The following PPP1R13L variants were observed in gnomAD, a reference collection of about 807,000 sequenced individuals.
PPP1R13L encodes protein phosphatase 1 regulatory subunit 13 like.
A neutral mutation model predicts 80.9 loss-of-function variants in PPP1R13L; 50 were observed. That is an observed-to-expected ratio of 0.62 (90% confidence interval 0.49 to 0.78). PPP1R13L has a LOEUF of 0.78. Among genes scored for constraint, PPP1R13L ranks in the 30% least tolerant of loss-of-function variants. PPP1R13L has a pLI of 0.00. For synonymous variants in PPP1R13L, 602 were observed against 534.3 expected (o/e 1.13, Z -1.75); for missense variants, 1,200 against 1,205.9 (o/e 1.00, Z 0.07).
At chr19:45,390,470 G>A (rs1972949579) in intron 8 of PPP1R13L, among the ~76,000 whole-genome samples, 1 of 152,154 alleles carries the variant, frequency 6.6e-6, no homozygotes. Flanking sequence ...CATTGTATGA[G>A]AAAGCACTGT....
Position 45,397,464 on chromosome 19 carries a change from CTCTCTCTCTCTTTCTTTCTTTCTT to C in PPP1R13L, c.199-430_199-407del, listed in dbSNP as rs1182006857. On this transcript the variant is annotated intron_variant, in intron 3 of 12. Coordinates refer to ENST00000360957, the MANE Select transcript of PPP1R13L (RefSeq NM_006663.4). ...CCCTCCCTCCCTGCTTGCTTGCTTT[CTCTCTCTCTCTTTCTTTCTTTCTT>C]TCTTTCTTTCTTTCTTTCTTTCTTT... 4.4e-4 allele frequency among the ~76,000 whole-genome samples: 45 copies of C among 101,702 alleles called. 1 individual carries two copies. The highest frequency in any genetic ancestry group is 1.6e-3 in the Admixed American group (16 of 9,806). 66.7% of individuals were successfully genotyped at this position (101,702 alleles called of 152,430 possible). A position where few individuals can be genotyped will look rare whatever the true frequency, so the allele number is the denominator to read the frequency against.
At chr19:45,393,446 G>A (rs1350592064) in intron 7 of PPP1R13L, among the ~76,000 whole-genome samples, 2 of 151,750 alleles carry the variant, frequency 1.3e-5, no homozygotes, top group Non-Finnish European at 1.5e-5. Flanking sequence ...CAAAAAATTA[G>A]TTGGGTGTGG....
intron 7 of PPP1R13L, 80 bp from the exon 8 acceptor site, chr19:45,392,420 CA>C (rs1336793938): frequency 7.2e-7 from 1 of 1,392,602 alleles, no homozygotes; most frequent in Middle Eastern, 1.8e-4. Context: ...CCAGGGCATA[CA>C]ACCAGCACAT....
Position 45,396,963 on chromosome 19 carries a change from TC to T in PPP1R13L, c.293del (p.Gly98AspfsTer126). On this transcript the variant is annotated frameshift_variant, in exon 4 of 13. Coordinates refer to ENST00000360957, the MANE Select transcript of PPP1R13L (RefSeq NM_006663.4). LOFTEE classifies it high-confidence loss of function. This position sits in a 1 kb window ranked among gnomAD's most constrained non-coding sequence, Gnocchi z 5.3. ...AATDGADTPF[G>X]RSESAPTLHP... is the part of the protein sequence containing the mutation. ...GTAGGGTTGGGGCACTCTCTGATCG[TC>T]CGAACGGGGTGTCTGCGCCGTCGGT... The T allele has an allele frequency of 7.1e-7, 1 of 1,409,404 alleles. No individual in the cohort carries two copies. 87.3% of individuals were successfully genotyped at this position (1,409,404 alleles called of 1,614,324 possible).
chr19:45,403,232 G>A (rs1025485752), intron 1 of PPP1R13L, among the ~76,000 whole-genome samples: 2 of 152,172 alleles, frequency 1.3e-5, no homozygotes, highest in Non-Finnish European at 2.9e-5. Flanking sequence ...ATAATTACCA[G>A]ATGTCCTTGG....
Position 45,397,035 on chromosome 19 carries a change from C to G in PPP1R13L, c.222G>C (p.Ser74=). ...CTCGGCTGCCGAAGGGCTCAGGGAT[C>G]GAGCTGGAGCTGTACCGGGGCGGCT... The part of the protein sequence containing the change: ...PSRPPRYSSS[S]IPEPFGSRGS... The change falls in exon 4 of 13, where the codon TCG becomes TCC. Residue 74 remains serine, a synonymous_variant. Transcript: ENST00000360957. 7.4e-7 allele frequency: 1 copy of G among 1,345,654 alleles called. No homozygotes were observed. The allele number at this position is 1,345,654 out of a possible 1,614,324, so 83.4% of individuals were successfully genotyped here.
chr19:45,394,069 C>A (rs1306834557), intron 7 of PPP1R13L, among the ~76,000 whole-genome samples: 1 of 152,126 alleles, frequency 6.6e-6, no homozygotes, highest in Non-Finnish European at 1.5e-5. Flanking sequence ...AAGAGAGACT[C>A]CAGCCCATCT....
intron 8 of PPP1R13L, among the ~76,000 whole-genome samples, chr19:45,391,123 G>A (rs12986272): frequency 0.26 from 40,131 of 151,524 alleles, 5,995 homozygotes; most frequent in African/African-American, 0.39. Flanking sequence ...GCTTGAACCT[G>A]GGAGGCGGAG....
intron 1 of PPP1R13L, 81 bp downstream of exon 1, chr19:45,404,918 C>T: frequency 1.1e-6 from 1 of 890,928 alleles, no homozygotes; most frequent in African/African-American, 1.8e-5. Flanking sequence ...GACCTGGCGT[C>T]CGAGTCCCCT....
intron 11 of PPP1R13L, 143 bp downstream of exon 11, chr19:45,385,419 A>G: frequency 2.9e-6 from 3 of 1,038,450 alleles, no homozygotes; most frequent in Middle Eastern, 6.3e-4. Flanking sequence ...CAAGCGGTCC[A>G]TCCCTCATCC....
chr19:45,395,607 A>ACCCAGGGAGCATGGCGCGGCTGGC lies in PPP1R13L; in HGVS notation c.1159_1182dup (p.Ala387_Gly394dup). Reference sequence around the variant, plus strand: ...GGGGGTGCTCGGGTGAAGAGGGGGGACCCAGGGAGCATGGCGCGGCTGGCC... The same window carrying ACCCAGGGAGCATGGCGCGGCTGGC: ...GGGGGTGCTCGGGTGAAGAGGGGGGACCCAGGGAGCATGGCGCGGCTGGCCCCAGGGAGCATGGCGCGGCTGGCC... On this transcript the variant is annotated inframe_insertion, in exon 7 of 13. Transcript: ENST00000360957. 1.4e-6 allele frequency: 2 copies of ACCCAGGGAGCATGGCGCGGCTGGC among 1,456,638 alleles called. No homozygotes were observed. Among genetic ancestry groups the ACCCAGGGAGCATGGCGCGGCTGGC allele is most frequent in the Non-Finnish European group, 1.8e-6 (2 of 1,108,414 alleles). 90.2% of individuals were successfully genotyped at this position (1,456,638 alleles called of 1,614,324 possible).
Position 45,385,646 on chromosome 19 carries a change from T to G in PPP1R13L, c.2164A>C (p.Thr722Pro). Residue 722 changes from threonine (T) to proline (P), a missense_variant, in exon 11 of 13, where the codon ACC becomes CCC. By Grantham distance (38) the Thr-to-Pro change is conservative. Transcript: ENST00000360957. ...GCGGTGGCGCCGTCGCTGAGCGTGG[T>G]GGCGAAGATTGCAGCGCCGTGCTGC... is the stretch of plus-strand genomic sequence containing the variant. ...LVQHGAAIFA[T>P]TLSDGATAFE... 6.2e-7 allele frequency: 1 copy of G among 1,613,128 alleles called. No individual in the cohort carries two copies. Among genetic ancestry groups the G allele is most frequent in the South Asian group, 1.1e-5 (1 of 91,076 alleles).
intron 8 of PPP1R13L, among the ~76,000 whole-genome samples, chr19:45,390,533 C>T (rs576651109): frequency 1.3e-5 from 2 of 152,294 alleles, no homozygotes; most frequent in South Asian, 2.1e-4. Context: ...ACGTTCCTCA[C>T]GCTTACTTGA....
rs1972782968 is a variant in PPP1R13L at position 45,382,561 on chromosome 19, C to T, written c.2414G>A (p.Gly805Asp). Reference protein sequence around the residue: ...ETDWWWAALHGQEGYVPRNYF... With the variant: ...ETDWWWAALHDQEGYVPRNYF... ...GTTCCGCGGCACGTAGCCCTCCTGG[C>T]CGTGCAGCGCGGCCCACCACCAGTC... Residue 805 changes from glycine (G) to aspartate (D), a missense_variant, in exon 12 of 13, where the codon GGC becomes GAC. Transcript: ENST00000360957. 1 of 1,613,306 alleles carries T rather than the reference C, an allele frequency of 6.2e-7. No individual in the cohort carries two copies. The highest frequency in any genetic ancestry group is 8.5e-7 in the Non-Finnish European group (1 of 1,179,796).
intron 8 of PPP1R13L, among the ~76,000 whole-genome samples, chr19:45,386,981 A>C (rs2123358507): frequency 6.7e-6 from 1 of 150,326 alleles, no homozygotes; most frequent in Admixed American, 6.6e-5. Context: ...AGATTCATTT[A>C]TTCTGGGCTG....
At chr19:45,387,144 C>G (rs573198456) in intron 8 of PPP1R13L, among the ~76,000 whole-genome samples, 1 of 151,606 alleles carries the variant, frequency 6.6e-6, no homozygotes, top group African/African-American at 2.4e-5. Flanking sequence ...GGCGCACACC[C>G]GTCGTCCCAG....
Position 45,385,735 on chromosome 19 carries a change from G to A in PPP1R13L, c.2082-7C>T, listed in dbSNP as rs202062845. ...CGCGCAGTGCAAGGGTGTCCTAGGCGTGGGGGTGGGGGGTTGCGGGGAACG... is the reference window on the plus strand; with the variant it reads ...CGCGCAGTGCAAGGGTGTCCTAGGCATGGGGGTGGGGGGTTGCGGGGAACG... On this transcript the variant is annotated splice_polypyrimidine_tract_variant and splice_region_variant and intron_variant, in intron 10 of 12. Transcript: ENST00000360957. 1.9e-6 allele frequency: 3 copies of A among 1,608,856 alleles called. No homozygotes were observed. The highest frequency in any genetic ancestry group is 2.7e-5 in the African/African-American group (2 of 74,962).
intron 11 of PPP1R13L, among the ~76,000 whole-genome samples, chr19:45,383,247 G>A (rs1463925335): frequency 6.7e-6 from 1 of 148,184 alleles, no homozygotes; most frequent in Non-Finnish European, 1.5e-5. Flanking sequence ...GCCCACATTG[G>A]CCTCCCAAAG....
At chr19:45,390,577 G>T (rs868311396) in intron 8 of PPP1R13L, among the ~76,000 whole-genome samples, 4 of 152,110 alleles carry the variant, frequency 2.6e-5, no homozygotes, top group African/African-American at 9.7e-5. Context: ...ACCCCTTAGC[G>T]TTGTAAGCCC....
Sources: allele counts gnomAD v4.1 joint callset (sites outside exome capture counted in the v4.1 genomes callset), GRCh38; gene constraint gnomAD v4.1.1; non-coding constraint Gnocchi (gnomAD v3.1); transcripts MANE v1.5; gene names NCBI Gene and HGNC (gene_info 2026-07-23, HGNC 2026-07-21).